PWWP2A: variants seen among roughly 807,000 people sequenced by gnomAD.
The protein encoded by PWWP2A is PWWP domain containing 2A.
PWWP2A carries 18 observed loss-of-function variants against 48.5 expected under a neutral mutation model. The ratio of observed to expected loss-of-function variants is 0.37; its 90% CI spans 0.26 to 0.55. PWWP2A has a LOEUF of 0.55. PWWP2A is among the 20% of genes least tolerant of loss of function. The probability of loss-of-function intolerance (pLI) is 0.81; values close to 1 mark genes in which losing one functional copy is unlikely to be tolerated. For synonymous variants in PWWP2A, 396 were observed against 387.7 expected, an observed-to-expected ratio of 1.02 and a Z score of -0.25; for missense variants, 867 against 976.4, an observed-to-expected ratio of 0.89 and a Z score of 1.49.
intron 1 of PWWP2A, chr5:160,105,722 C>G (rs1756823942): frequency 1.2e-6 from 1 of 868,802 alleles, no homozygotes. Flanking sequence ...TTACAGTGAG[C>G]CAAGATCGCA....
chr5:160,118,938 A>G lies in PWWP2A; in HGVS notation c.451T>C (p.Ser151Pro), dbSNP rs750330585. Residue 151 changes from serine to proline, a missense_variant, in exon 1 of 2, where the codon TCC becomes CCC. Ser to Pro is a moderately conservative substitution (Grantham distance 74, BLOSUM62 -1). This residue lies in a region of PWWP2A where 385 missense variants were observed against 396.9 expected (regional missense o/e 0.97). Coordinates refer to ENST00000307063, the MANE Select transcript of PWWP2A (RefSeq NM_001130864.2). ...PALVPPAGGDSTVSQLIPGSE... is the reference protein window; with the variant it reads ...PALVPPAGGDPTVSQLIPGSE... Reference sequence around the variant, plus strand: ...CCCGGGATCAGTTGCGACACCGTGGAGTCCCCGCCCGCCGGCGGCACGAGC... The same window carrying G: ...CCCGGGATCAGTTGCGACACCGTGGGGTCCCCGCCCGCCGGCGGCACGAGC... 44 of 1,598,370 alleles carry G rather than the reference A, an allele frequency of 2.8e-5. No homozygotes were observed. The highest frequency in any genetic ancestry group is 3.6e-5 in the Non-Finnish European group (42 of 1,173,800).
chr5:160,048,469 A>G, the PWWP2A span, among the ~76,000 whole-genome samples: 103,226 of 151,974 alleles, frequency 0.68, 35,145 homozygotes, highest in East Asian at 0.74. Flanking sequence ...CTGCTTTCTA[A>G]TAGAAAAAGA....
rs371177773 is a variant in PWWP2A at position 160,101,970 on chromosome 5, C to T, written c.585-7905G>A. 2.1e-4 allele frequency among the ~76,000 whole-genome samples: 31 copies of T among 151,106 alleles called. 1 individual carries two copies. The highest frequency in any genetic ancestry group is 5.9e-4 in the Admixed American group (9 of 15,140). ...ACTAAACATACAAAAAGTAGCCGGG[C>T]GTGGTGGCATGCGCCTGTAATCCCA... On this transcript the variant is annotated intron_variant, in intron 1 of 1. Coordinates refer to ENST00000307063, the MANE Select transcript of PWWP2A (RefSeq NM_001130864.2).
Position 160,097,904 on chromosome 5 carries a change from G to A in PWWP2A, c.585-3839C>T, listed in dbSNP as rs544231974. On this transcript the variant is annotated intron_variant, in intron 1 of 1. Coordinates refer to ENST00000307063, the MANE Select transcript of PWWP2A (RefSeq NM_001130864.2). ...CTAATTTTTGTATTTTTAGTAGATGGGGTTTCATTATGTTGGCCAAGCTGG... is the reference window on the plus strand; with the variant it reads ...CTAATTTTTGTATTTTTAGTAGATGAGGTTTCATTATGTTGGCCAAGCTGG... 7.9e-5 allele frequency among the ~76,000 whole-genome samples: 12 copies of A among 152,006 alleles called. No homozygotes were observed. In the South Asian group the frequency reaches 1.7e-3, roughly 21 times the overall value.
chr5:160,116,457 G>GA (rs1208981324), intron 1 of PWWP2A, among the ~76,000 whole-genome samples: 1 of 151,830 alleles, frequency 6.6e-6, no homozygotes, highest in African/African-American at 2.4e-5. Context: ...CTCCGTCTTG[G>GA]AAAAAATAAA....
At chr5:160,068,936 C>T (rs1753679525) in intron 2 of PWWP2A, among the ~76,000 whole-genome samples, 1 of 152,164 alleles carries the variant, frequency 6.6e-6, no homozygotes, top group Non-Finnish European at 1.5e-5. Context: ...CTAGTCATCT[C>T]CATAAATTTT....
At chr5:160,094,978 G>A (rs1755463220) in intron 1 of PWWP2A, among the ~76,000 whole-genome samples, 1 of 135,964 alleles carries the variant, frequency 7.4e-6, no homozygotes. Flanking sequence ...AACCCAAGAG[G>A]CAGAGCTTGC....
At chr5:160,046,034 C>G in the PWWP2A span, among the ~76,000 whole-genome samples, 1 of 152,204 alleles carries the variant, frequency 6.6e-6, no homozygotes, top group African/African-American at 2.4e-5. Context: ...AGCCACTGCC[C>G]CCAGCTCAAG....
chr5:160,118,969 G>C lies in PWWP2A; in HGVS notation c.420C>G (p.Ala140=). 3 of 1,597,934 alleles carry C rather than the reference G, an allele frequency of 1.9e-6. No homozygotes were observed. Among genetic ancestry groups the C allele is most frequent in the Non-Finnish European group, 2.6e-6 (3 of 1,174,020 alleles). The change falls in exon 1 of 2, where the codon GCC becomes GCG. Residue 140 remains alanine (A), a synonymous_variant. Transcript: ENST00000307063. Reference sequence around the variant, plus strand: ...CGCCCGCCGGCGGCACGAGCGCCGGGGCTACGGGCTGAGGCAGCGGCGGCT... The same window carrying C: ...CGCCCGCCGGCGGCACGAGCGCCGGCGCTACGGGCTGAGGCAGCGGCGGCT... ...REEPPLPQPV[A]PALVPPAGGD...
At chr5:160,049,784 A>T in the PWWP2A span, 1 of 926,996 alleles carries the variant, frequency 1.1e-6, no homozygotes, top group Non-Finnish European at 1.5e-6. Flanking sequence ...GAGCTTATCA[A>T]GATATATGGG....
chr5:160,118,676 G>A (rs1758392903), intron 1 of PWWP2A, 129 bp downstream of exon 1: 3 of 951,212 alleles, frequency 3.2e-6, no homozygotes, highest in South Asian at 3.5e-5. Flanking sequence ...CGCGCCACGC[G>A]CCGCGCAGGA....
intron 1 of PWWP2A, among the ~76,000 whole-genome samples, chr5:160,105,239 C>CAGA (rs1756749230): frequency 2.0e-5 from 1 of 48,946 alleles, no homozygotes; most frequent in Non-Finnish European, 3.5e-5. Flanking sequence ...GTCTCTAAGG[C>CAGA]AAAAAAAAAA....
At chr5:160,090,914 C>T, downstream of PWWP2A, 1 of 984,698 alleles carries the variant, frequency 1.0e-6, no homozygotes, top group Non-Finnish European at 1.2e-6. Flanking sequence ...GAAATCAAAT[C>T]TTAGGGACAG....
At position 160,119,106 on chromosome 5, in the gene PWWP2A, G is replaced by A. The variant is rs1301009491; in HGVS notation, c.283C>T (p.Leu95=). Residue 95 remains leucine (L), a synonymous_variant, in exon 1 of 2, where the codon CTG becomes TTG. Coordinates refer to ENST00000307063, the MANE Select transcript of PWWP2A (RefSeq NM_001130864.2). ...VGPELEAEEK[L]SVRVAESAAA... is the part of the protein sequence containing the mutation. ...GCCGACTCCGCCACCCGAACGGACA[G>A]TTTCTCCTCAGCCTCCAGCTCCGGC... The A allele has an allele frequency of 6.3e-7, 1 of 1,588,182 alleles. No individual in the cohort carries two copies. The highest frequency in any genetic ancestry group is 2.3e-5 in the East Asian group (1 of 43,016).
At chr5:160,048,891 T>C in the PWWP2A span, among the ~76,000 whole-genome samples, 1 of 151,790 alleles carries the variant, frequency 6.6e-6, no homozygotes, top group Non-Finnish European at 1.5e-5. Context: ...GAGGTGGTTG[T>C]AGTGAGCCAA....
At chr5:160,069,300 C>T (rs888755649) in intron 2 of PWWP2A, among the ~76,000 whole-genome samples, 4 of 151,916 alleles carry the variant, frequency 2.6e-5, no homozygotes, top group South Asian at 4.2e-4. Context: ...AAAAAAAAGG[C>T]TTACTTGCTA....
At chr5:160,116,789 T>C (rs1758184947) in intron 1 of PWWP2A, 1 of 985,344 alleles carries the variant, frequency 1.0e-6, no homozygotes, top group Non-Finnish European at 1.2e-6. Flanking sequence ...GAGTGTCTCT[T>C]ACTATTATAT....
Position 160,093,211 on chromosome 5 carries a change from C to T in PWWP2A, c.1439G>A (p.Arg480Lys). The change falls in exon 2 of 2, where the codon AGG (arginine) becomes AAG (lysine). Residue 480 changes from arginine (R) to lysine (K), a missense_variant. Transcript: ENST00000307063. The surrounding 1 kb of genome is among the most constrained non-coding windows in gnomAD (Gnocchi z 5.8). ...LPPRVRLKPQ[R>K]YRNEENDSSL... is the part of the protein sequence containing the mutation. ...AGAGTCATTTTCTTCATTCCTGTAC[C>T]TCTGTGGTTTTAAACGAACCCGGGG... 3 of 1,613,968 alleles carry T rather than the reference C, an allele frequency of 1.9e-6. No homozygotes were observed. Among genetic ancestry groups the T allele is most frequent in the Non-Finnish European group, 2.5e-6 (3 of 1,179,896 alleles).
the PWWP2A span, among the ~76,000 whole-genome samples, chr5:160,045,267 A>C: frequency 6.6e-6 from 1 of 152,142 alleles, no homozygotes; most frequent in Non-Finnish European, 1.5e-5. Context: ...TGCCTAGAAA[A>C]TGAGGGAAAG....
Sources: allele counts gnomAD v4.1 joint callset (sites outside exome capture counted in the v4.1 genomes callset), GRCh38; gene constraint gnomAD v4.1.1; regional missense constraint gnomAD v4.1.1; non-coding constraint Gnocchi (gnomAD v3.1); transcripts MANE v1.5; gene names NCBI Gene and HGNC (gene_info 2026-07-23, HGNC 2026-07-21).